LRP2: variants seen among roughly 807,000 people sequenced by gnomAD.
LRP2 encodes the protein low-density lipoprotein receptor-related protein 2.
In LRP2, 172 loss-of-function variants were observed where a neutral mutation model predicts 531.0. The observed-to-expected ratio is 0.32, with a 90% CI of 0.29 to 0.37. LRP2 has a LOEUF of 0.37. LRP2 is among the 10% of genes least tolerant of loss of function. The probability of loss-of-function intolerance (pLI) is 1.00; values close to 1 mark genes in which losing one functional copy is unlikely to be tolerated. For missense variants in LRP2, 5,167 were observed against 5,868.3 expected (o/e 0.88, Z 3.90); for synonymous variants, 1,992 against 2,027.6 (o/e 0.98, Z 0.47).
chr2:169,156,030 T>C (rs1401017013), intron 65 of LRP2, among the ~76,000 whole-genome samples: 1 of 152,118 alleles, frequency 6.6e-6, no homozygotes, highest in African/African-American at 2.4e-5. Flanking sequence ...TTATAATAAG[T>C]AACACCTGGC....
chr2:169,134,624 C>G (rs898562569), intron 76 of LRP2, among the ~76,000 whole-genome samples: 15 of 152,194 alleles, frequency 9.9e-5, no homozygotes, highest in African/African-American at 3.6e-4. Context: ...CCGCTCTGCC[C>G]CGCTCCACTA....
chr2:169,234,913 T>G (rs1366446571), intron 29 of LRP2, among the ~76,000 whole-genome samples: 1 of 29,822 alleles, frequency 3.4e-5, no homozygotes, highest in Non-Finnish European at 5.4e-5. Context: ...TTAATTTTTG[T>G]TTTTTTTTTT....
At chr2:169,209,077 T>C (rs1003134298) in intron 38 of LRP2, among the ~76,000 whole-genome samples, 1 of 152,194 alleles carries the variant, frequency 6.6e-6, no homozygotes, top group Admixed American at 6.5e-5. Flanking sequence ...AGCAAATGAA[T>C]GCTGTTCCAT....
Position 169,294,608 on chromosome 2 carries a change from A to G in LRP2, c.530T>C (p.Ile177Thr), listed in dbSNP as rs1489666474. Residue 177 changes from isoleucine to threonine, a missense_variant, in exon 5 of 79, where the codon ATC (isoleucine) becomes ACC (threonine). Ile to Thr is a moderately conservative substitution (Grantham distance 89, BLOSUM62 -1). Around this residue, in one of 6 missense-constraint regions of LRP2, gnomAD observed 2,811 missense variants for 3,058.0 expected, o/e 0.92. Coordinates refer to ENST00000649046, the MANE Select transcript of LRP2 (RefSeq NM_004525.3). ...KVDCRDSSDE[I>T]NCTEICLHNE... is the part of the protein sequence containing the mutation. The stretch of plus-strand genomic sequence containing the variant: ...TTGTGCACAATACTTACTGCAGTTG[A>G]TTTCATCTGAGGAGTCCCTGCAATC... The G allele has an allele frequency of 2.5e-6, 4 of 1,600,128 alleles. No individual in the cohort carries two copies. The highest frequency in any genetic ancestry group is 1.7e-4 in the Middle Eastern group (1 of 6,034).
chr2:169,223,965 T>A (rs1216208978), intron 33 of LRP2, among the ~76,000 whole-genome samples: 1 of 152,182 alleles, frequency 6.6e-6, no homozygotes. Context: ...TGGGACACCT[T>A]TTCCCTATTT....
Position 169,357,853 on chromosome 2 carries a change from C to A in LRP2, c.79+4468G>T, listed in dbSNP as rs561964141. On this transcript the variant is annotated intron_variant, in intron 1 of 78. Transcript: ENST00000649046. Reference sequence around the variant, plus strand: ...AGAGAACATGAACAATGATTATGACCTAATAATTACCTTTAGTAAGACTGA... The same window carrying A: ...AGAGAACATGAACAATGATTATGACATAATAATTACCTTTAGTAAGACTGA... Among the ~76,000 whole-genome samples the A allele has an allele frequency of 3.9e-5, 6 of 152,142 alleles. No individual in the cohort carries two copies. In the East Asian group the frequency reaches 1.2e-3, roughly 29 times the overall value.
In LRP2 at chr2:169,289,152, G is replaced by A. The variant is rs190077118; in HGVS notation, c.923-7C>T. On this transcript the variant is annotated splice_polypyrimidine_tract_variant and splice_region_variant and intron_variant, in intron 8 of 78. Transcript: ENST00000649046. ...GCAGAGCACAGAGTCATACCTAAAC[G>A]AAGAAAAGAACTTTGTTAAATGAAT... The A allele has an allele frequency of 4.0e-5, 65 of 1,613,916 alleles. 1 individual carries two copies. The East Asian group carries it at 1.2e-3, about 30-fold the overall frequency.
intron 1 of LRP2, among the ~76,000 whole-genome samples, chr2:169,331,750 A>T (rs1176602725): frequency 6.6e-6 from 1 of 152,232 alleles, no homozygotes; most frequent in Non-Finnish European, 1.5e-5. Flanking sequence ...GCACCTCATG[A>T]TTTGACACAC....
intron 1 of LRP2, among the ~76,000 whole-genome samples, chr2:169,354,255 T>C (rs1180457122): frequency 6.6e-6 from 1 of 152,200 alleles, no homozygotes; most frequent in Non-Finnish European, 1.5e-5. Context: ...TTAATGTGAA[T>C]CAGTAGATCA....
Position 169,279,402 on chromosome 2 carries a change from G to A in LRP2, c.1535C>T (p.Pro512Leu). ...VTLITENLGH[P>L]RGIAVDPTVG... The stretch of plus-strand genomic sequence containing the variant: ...AGTTGGGTCCACGGCAATTCCTCTA[G>A]GATGCCCCAAGTTTTCAGTTATAAG... The change falls in exon 12 of 79, where the codon CCT becomes CTT. Residue 512 changes from proline (P) to leucine (L), a missense_variant. Around this residue, in one of 6 missense-constraint regions of LRP2, gnomAD observed 2,811 missense variants for 3,058.0 expected, o/e 0.92. Transcript: ENST00000649046. The A allele has an allele frequency of 6.2e-7, 1 of 1,613,836 alleles. No individual in the cohort carries two copies. Among genetic ancestry groups the A allele is most frequent in the South Asian group, 1.1e-5 (1 of 91,074 alleles).
intron 65 of LRP2, among the ~76,000 whole-genome samples, chr2:169,156,035 C>G (rs915166393): frequency 6.6e-6 from 1 of 152,030 alleles, no homozygotes; most frequent in Non-Finnish European, 1.5e-5. Flanking sequence ...ATAAGTAACA[C>G]CTGGCTCTTG....
intron 4 of LRP2, among the ~76,000 whole-genome samples, chr2:169,297,037 T>G (rs1280677575): frequency 6.6e-6 from 1 of 152,158 alleles, no homozygotes; most frequent in Non-Finnish European, 1.5e-5. Flanking sequence ...TAACCTGGGA[T>G]GTATACTCAT....
chr2:169,202,028 A>G lies in LRP2; in HGVS notation c.8210-158T>C, dbSNP rs115363091. ...CATGCAAAGTGAGATAACACTTTTA[A>G]TTAGTTAGATTAAGCAAAATATGTT... On this transcript the variant is annotated intron_variant, in intron 43 of 78. Transcript: ENST00000649046. Among the ~76,000 whole-genome samples, 2,420 of 152,136 alleles carry G rather than the reference A, an allele frequency of 0.016. 35 individuals are homozygous for G. The highest frequency in any genetic ancestry group is 0.075 in the Middle Eastern group (22 of 294).
chr2:169,328,714 T>A (rs573999180), intron 1 of LRP2, among the ~76,000 whole-genome samples: 1 of 152,242 alleles, frequency 6.6e-6, no homozygotes, highest in East Asian at 1.9e-4. Flanking sequence ...AAGGGGAACC[T>A]GAGCCTCAGT....
intron 53 of LRP2, 49 bp downstream of exon 53, chr2:169,177,754 T>C: frequency 2.1e-6 from 3 of 1,447,952 alleles, no homozygotes; most frequent in Non-Finnish European, 2.9e-6. Context: ...AATCATGACA[T>C]GCACATAACC....
intron 14 of LRP2, 22 bp from the exon 15 acceptor site, chr2:169,273,089 G>A (rs199740042): frequency 1.2e-6 from 2 of 1,613,178 alleles, no homozygotes; most frequent in Admixed American, 3.3e-5. Context: ...AATGCACAGG[G>A]TTAAATTGCA....
At chr2:169,336,942 G>A (rs1020576735) in intron 1 of LRP2, among the ~76,000 whole-genome samples, 5 of 152,152 alleles carry the variant, frequency 3.3e-5, no homozygotes, top group Non-Finnish European at 7.4e-5. Context: ...GGTGGGTAAG[G>A]TTACAAAGAG....
intron 58 of LRP2, among the ~76,000 whole-genome samples, chr2:169,171,240 G>C (rs1013382789): frequency 2.0e-5 from 3 of 152,170 alleles, no homozygotes; most frequent in Non-Finnish European, 4.4e-5. Flanking sequence ...CTTATCGCAA[G>C]TGGTGATCAC....
In LRP2 at chr2:169,212,008, C is replaced by A; in HGVS notation, c.6240G>T (p.Leu2080Phe). ...LSAIRGFSLELSDHSETMVPV... is the reference protein window; with the variant it reads ...LSAIRGFSLEFSDHSETMVPV... Reference sequence around the variant, plus strand: ...GCACCATGGTTTCTGAATGATCTGACAATTCCAAGCTAAAGCCTCTGATTG... The same window carrying A: ...GCACCATGGTTTCTGAATGATCTGAAAATTCCAAGCTAAAGCCTCTGATTG... The change falls in exon 37 of 79, where the codon TTG (leucine) becomes TTT (phenylalanine). Residue 2080 changes from leucine to phenylalanine, a missense_variant. This residue lies in a region of LRP2 where 2,811 missense variants were observed against 3,058.0 expected (regional missense o/e 0.92). Coordinates refer to ENST00000649046, the MANE Select transcript of LRP2 (RefSeq NM_004525.3). 1 of 1,613,990 alleles carries A rather than the reference C, an allele frequency of 6.2e-7. No individual in the cohort carries two copies. The highest frequency in any genetic ancestry group is 8.5e-7 in the Non-Finnish European group (1 of 1,179,904).
Sources: gnomAD v4.1 joint callset for allele counts (sites outside exome capture counted in the v4.1 genomes callset) on GRCh38, gnomAD v4.1.1 for gene constraint, gnomAD v4.1.1 regional missense constraint, MANE v1.5 for transcripts, NCBI Gene and HGNC (gene_info 2026-07-23, HGNC 2026-07-21) for gene names.